Variants in CCDC18 observed in about 807,000 individuals in gnomAD.
CCDC18 encodes coiled-coil domain containing 18, also known as coiled-coil domain-containing protein 18.
CCDC18 carries 157 observed loss-of-function variants against 196.0 expected under a neutral mutation model. The observed-to-expected ratio is 0.80, with a 90% CI of 0.70 to 0.91. The LOEUF (loss-of-function observed/expected upper bound fraction) is 0.91. Among genes scored for constraint, CCDC18 ranks in the 40% least tolerant of loss-of-function variants. The probability of loss-of-function intolerance (pLI) is 0.00; values close to 1 mark genes in which losing one functional copy is unlikely to be tolerated. For missense variants in CCDC18, 1,465 were observed against 1,611.6 expected, an observed-to-expected ratio of 0.91 and a Z score of 1.56; for synonymous variants, 482 against 529.2, an observed-to-expected ratio of 0.91 and a Z score of 1.22.
chr1:93,229,380 T>G (rs545706497), intron 17 of CCDC18, among the ~76,000 whole-genome samples: 3 of 152,232 alleles, frequency 2.0e-5, no homozygotes, highest in Non-Finnish European at 4.4e-5. Context: ...ACAGAGAAAA[T>G]TCTTTCTAAT....
At chr1:93,259,005 T>C (rs917797282) in intron 26 of CCDC18, 120 bp downstream of exon 26, 3 of 781,408 alleles carry the variant, frequency 3.8e-6, no homozygotes, top group Admixed American at 4.1e-5. Flanking sequence ...GGTCTTCATT[T>C]CTGGTAGCCT....
intron 28 of CCDC18, 113 bp downstream of exon 28, chr1:93,270,927 G>C (rs1557720614): frequency 5.0e-6 from 7 of 1,391,830 alleles, no homozygotes; most frequent in Non-Finnish European, 5.6e-6. Flanking sequence ...TTTGAAGAAG[G>C]AAGATTTTAC....
intron 26 of CCDC18, among the ~76,000 whole-genome samples, chr1:93,262,018 GAGAA>G (rs993646456): frequency 8.5e-5 from 13 of 152,204 alleles, no homozygotes; most frequent in South Asian, 2.1e-4. Context: ...GGCAGCAGGA[GAGAA>G]AGAGTGTGTA....
chr1:93,270,972 C>T, intron 28 of CCDC18, 158 bp downstream of exon 28: 3 of 982,288 alleles, frequency 3.1e-6, no homozygotes, highest in Non-Finnish European at 3.6e-6. Context: ...TACCAAAAGA[C>T]ATTTTCTCTA....
At chr1:93,254,690 G>T in intron 24 of CCDC18, 76 bp downstream of exon 24, 1 of 1,411,198 alleles carries the variant, frequency 7.1e-7, no homozygotes, top group Non-Finnish European at 9.8e-7. Context: ...TTTTAAACTG[G>T]TTGGTTTTAA....
chr1:93,210,444 T>C (rs775699567), intron 9 of CCDC18, among the ~76,000 whole-genome samples: 1 of 152,194 alleles, frequency 6.6e-6, no homozygotes, highest in African/African-American at 2.4e-5. Flanking sequence ...ATTCTGAAAT[T>C]CATGTGTATC....
chr1:93,230,421 G>A (rs1440525099), intron 17 of CCDC18, among the ~76,000 whole-genome samples: 1 of 151,702 alleles, frequency 6.6e-6, no homozygotes, highest in Non-Finnish European at 1.5e-5. Flanking sequence ...GAACCTGGGA[G>A]GCGGAGCTTG....
intron 18 of CCDC18, 68 bp from the exon 19 acceptor site, chr1:93,236,180 T>C: frequency 8.0e-7 from 1 of 1,256,506 alleles, no homozygotes; most frequent in African/African-American, 1.6e-5. Flanking sequence ...ACTGATAAGC[T>C]AGGTTACATA....
intron 22 of CCDC18, 55 bp downstream of exon 22, chr1:93,246,259 C>G: frequency 7.5e-7 from 1 of 1,327,360 alleles, no homozygotes; most frequent in East Asian, 2.5e-5. Flanking sequence ...CACAGTCACA[C>G]AGGATTTGAG....
In CCDC18 at chr1:93,252,973, C is replaced by A. The variant is rs140090458; in HGVS notation, c.3199-1498C>A. ...GGCTGTGGGAATGCTTGCCAGGGACCCAGGTCCAGAAGGCTGTCCTGGTGG... is the reference window on the plus strand; with the variant it reads ...GGCTGTGGGAATGCTTGCCAGGGACACAGGTCCAGAAGGCTGTCCTGGTGG... On this transcript the variant is annotated intron_variant, in intron 23 of 28. Coordinates refer to ENST00000690025, the MANE Select transcript of CCDC18 (RefSeq NM_001378204.1). Among the ~76,000 whole-genome samples, 91 of 152,334 alleles carry A rather than the reference C, an allele frequency of 6.0e-4. 2 individuals are homozygous for A. The highest frequency in any genetic ancestry group is 1.4e-3 in the Admixed American group (21 of 15,298).
Position 93,212,080 on chromosome 1 carries a change from CCTT to C in CCDC18, c.1335-17_1335-15del, listed in dbSNP as rs756356346. ...TATAGAATCTTTCTAATAATTTTTC[CCTT>C]CTTTTCTTTTGTGCCAGAATTAAGC... On this transcript the variant is annotated intron_variant, in intron 10 of 28. Coordinates refer to ENST00000690025, the MANE Select transcript of CCDC18 (RefSeq NM_001378204.1). 3 of 1,575,170 alleles carry C rather than the reference CCTT, an allele frequency of 1.9e-6. No individual in the cohort carries two copies. The highest frequency in any genetic ancestry group is 2.6e-6 in the Non-Finnish European group (3 of 1,165,670).
chr1:93,257,971 C>T (rs1383557152), intron 25 of CCDC18, among the ~76,000 whole-genome samples: 2 of 151,762 alleles, frequency 1.3e-5, no homozygotes, highest in South Asian at 2.1e-4. Context: ...TAGACTCCTA[C>T]CTGGTCTTTC....
At chr1:93,207,977 A>T (rs1254201046) in intron 9 of CCDC18, among the ~76,000 whole-genome samples, 1 of 152,082 alleles carries the variant, frequency 6.6e-6, no homozygotes, top group Non-Finnish European at 1.5e-5. Flanking sequence ...GCTAAATAGT[A>T]TTTCATTATA....
At chr1:93,195,224 G>A (rs1021594917) in intron 6 of CCDC18, among the ~76,000 whole-genome samples, 3 of 152,098 alleles carry the variant, frequency 2.0e-5, no homozygotes, top group Non-Finnish European at 2.9e-5. Flanking sequence ...ACACATTCTG[G>A]GCAGCATGTG....
intron 23 of CCDC18, among the ~76,000 whole-genome samples, 198 bp downstream of exon 23, chr1:93,247,152 C>T (rs1661593784): frequency 6.6e-6 from 1 of 152,012 alleles, no homozygotes; most frequent in Non-Finnish European, 1.5e-5. Flanking sequence ...CCTCGAGTTC[C>T]TGGGCTCAAG....
chr1:93,246,994 A>T (rs766340237), intron 23 of CCDC18, 40 bp downstream of exon 23: 21 of 876,972 alleles, frequency 2.4e-5, no homozygotes, highest in African/African-American at 5.3e-5. Flanking sequence ...ATTATTTTTT[A>T]AAAAATTCAA....
Position 93,183,916 on chromosome 1 carries a change from A to G in CCDC18, c.135-62A>G, listed in dbSNP as rs1008312837. The G allele has an allele frequency of 2.6e-5, 27 of 1,058,560 alleles. No homozygotes were observed. The African/African-American group carries it at 4.4e-4, about 17-fold the overall frequency. 65.6% of individuals were successfully genotyped at this position (1,058,560 alleles called of 1,614,324 possible). A position where few individuals can be genotyped will look rare whatever the true frequency, so the allele number is the denominator to read the frequency against. On this transcript the variant is annotated intron_variant, in intron 2 of 28. Coordinates refer to ENST00000690025, the MANE Select transcript of CCDC18 (RefSeq NM_001378204.1). ...GGTTTTCTATTTTCTTATTTAATGT[A>G]TAGCAATTTGTAGTGAATAAACTAT...
chr1:93,191,418 CT>C (rs1473602087), intron 4 of CCDC18, among the ~76,000 whole-genome samples: 2 of 152,130 alleles, frequency 1.3e-5, no homozygotes, highest in Non-Finnish European at 2.9e-5. Context: ...TCATTGGGTC[CT>C]CACTTCTGCC....
At chr1:93,259,048 G>A (rs185385533) in intron 26 of CCDC18, among the ~76,000 whole-genome samples, 163 bp downstream of exon 26, 7 of 152,042 alleles carry the variant, frequency 4.6e-5, no homozygotes, top group Admixed American at 4.6e-4. Context: ...TATACTGTGG[G>A]GTTAAGAGCT....
Sources: gnomAD v4.1 joint callset for allele counts (sites outside exome capture counted in the v4.1 genomes callset) on GRCh38, gnomAD v4.1.1 for gene constraint, MANE v1.5 for transcripts, NCBI Gene and HGNC (gene_info 2026-07-23, HGNC 2026-07-21) for gene names.